Variants in TP63 observed in about 807,000 individuals in gnomAD.
TP63 encodes tumor protein p63.
A neutral mutation model predicts 82.8 loss-of-function variants in TP63; 17 were observed. The observed-to-expected ratio is 0.21, with a 90% confidence interval of 0.14 to 0.31. The LOEUF (loss-of-function observed/expected upper bound fraction) is 0.31, where lower values mean the gene tolerates loss of function less well. TP63 is among the 10% of genes least tolerant of loss of function. TP63 has a pLI of 1.00. For synonymous variants in TP63, 330 were observed against 321.7 expected (o/e 1.03, Z -0.28); for missense variants, 648 against 895.3 (o/e 0.72, Z 3.52).
At chr3:189,745,545 A>G (rs1378608505) in intron 3 of TP63, among the ~76,000 whole-genome samples, 5 of 151,840 alleles carry the variant, frequency 3.3e-5, no homozygotes, top group African/African-American at 1.2e-4. Flanking sequence ...CATCTCTCCT[A>G]AAAATACAAA....
the TP63 span, among the ~76,000 whole-genome samples, chr3:189,626,306 A>G: frequency 6.6e-6 from 1 of 152,174 alleles, no homozygotes; most frequent in East Asian, 1.9e-4. Context: ...GTGTCATACA[A>G]TTAAAAATCA....
intron 4 of TP63, among the ~76,000 whole-genome samples, chr3:189,863,358 T>G (rs997244143): frequency 2.0e-5 from 3 of 152,120 alleles, no homozygotes; most frequent in African/African-American, 7.2e-5. Flanking sequence ...AGAATGAAGG[T>G]TCTCTTCTGC....
chr3:189,835,763 A>C (rs949218798), intron 4 of TP63, among the ~76,000 whole-genome samples: 1 of 151,824 alleles, frequency 6.6e-6, no homozygotes, highest in Admixed American at 6.6e-5. Context: ...AAATACAAAA[A>C]ATTAACTGGC....
At chr3:189,682,570 A>ATC (rs1716068089) in intron 1 of TP63, among the ~76,000 whole-genome samples, 2 of 17,312 alleles carry the variant, frequency 1.2e-4, no homozygotes, top group African/African-American at 3.4e-4. Flanking sequence ...ATATATATAT[A>ATC]TATATATATA....
At chr3:189,678,565 A>G (rs1715644761) in intron 1 of TP63, among the ~76,000 whole-genome samples, 1 of 152,112 alleles carries the variant, frequency 6.6e-6, no homozygotes, top group Non-Finnish European at 1.5e-5. Flanking sequence ...TTGGCTATAT[A>G]GGCTCTTTTT....
chr3:189,641,928 C>T (rs1235108386), intron 1 of TP63, among the ~76,000 whole-genome samples: 1 of 152,030 alleles, frequency 6.6e-6, no homozygotes. Flanking sequence ...CCAAGGGTGA[C>T]CTAACTAGTA....
intron 4 of TP63, among the ~76,000 whole-genome samples, chr3:189,813,693 T>C (rs953103157): frequency 1.3e-5 from 2 of 152,126 alleles, no homozygotes; most frequent in African/African-American, 4.8e-5. Context: ...GTTGTATCTT[T>C]CTCCTGTCAT....
intron 1 of TP63, among the ~76,000 whole-genome samples, chr3:189,664,152 C>T (rs1192312828): frequency 1.3e-5 from 2 of 149,448 alleles, no homozygotes; most frequent in African/African-American, 5.1e-5. Context: ...TCTTTCCTAT[C>T]CCCCCAAGCC....
chr3:189,819,363 A>G (rs2108667711), intron 4 of TP63, among the ~76,000 whole-genome samples: 1 of 152,122 alleles, frequency 6.6e-6, no homozygotes, highest in South Asian at 2.1e-4. Context: ...TTACATATGT[A>G]TACGTGTGCC....
At chr3:189,750,563 G>A (rs541230122) in intron 3 of TP63, among the ~76,000 whole-genome samples, 18 of 152,054 alleles carry the variant, frequency 1.2e-4, no homozygotes, top group African/African-American at 3.9e-4. Flanking sequence ...TTCTATGCAT[G>A]TAACAAAATA....
chr3:189,712,025 A>G (rs922688001), intron 1 of TP63, among the ~76,000 whole-genome samples: 2 of 152,224 alleles, frequency 1.3e-5, no homozygotes, highest in African/African-American at 4.8e-5. Context: ...ACTCGAGTCA[A>G]CTTTCTTCTG....
intron 1 of TP63, among the ~76,000 whole-genome samples, chr3:189,641,942 G>A (rs1397673078): frequency 6.6e-6 from 1 of 152,096 alleles, no homozygotes; most frequent in Non-Finnish European, 1.5e-5. Flanking sequence ...ACTAGTAAGT[G>A]GAAAAACCTG....
intron 1 of TP63, among the ~76,000 whole-genome samples, chr3:189,688,026 C>T (rs1716588159): frequency 6.6e-6 from 1 of 151,306 alleles, no homozygotes; most frequent in African/African-American, 2.4e-5. Flanking sequence ...TAGCAACTTG[C>T]TCATCTATTA....
chr3:189,864,173 T>G, intron 4 of TP63, 59 bp from the exon 5 acceptor site: 2 of 1,605,350 alleles, frequency 1.2e-6, no homozygotes, highest in Non-Finnish European at 1.7e-6. Context: ...ATTTGGAATG[T>G]AACAATATCT....
At chr3:189,841,501 C>T (rs955689213) in intron 4 of TP63, among the ~76,000 whole-genome samples, 5 of 152,082 alleles carry the variant, frequency 3.3e-5, no homozygotes, top group South Asian at 2.1e-4. Context: ...AAGAATATCC[C>T]GCAGATACAA....
chr3:189,836,358 A>G (rs1713152540), intron 4 of TP63, among the ~76,000 whole-genome samples: 1 of 152,184 alleles, frequency 6.6e-6, no homozygotes, highest in South Asian at 2.1e-4. Flanking sequence ...TTTTCTCCTA[A>G]GAAAATGGAA....
At chr3:189,599,883 ATATT>A in the TP63 span, among the ~76,000 whole-genome samples, 1 of 152,170 alleles carries the variant, frequency 6.6e-6, no homozygotes, top group African/African-American at 2.4e-5. Flanking sequence ...TAAATGTACT[ATATT>A]TATTTTCCTC....
chr3:189,826,189 GC>G (rs1729329089), intron 4 of TP63, among the ~76,000 whole-genome samples: 2 of 152,116 alleles, frequency 1.3e-5, no homozygotes, highest in African/African-American at 4.8e-5. Flanking sequence ...TACTGACTGA[GC>G]CCACTGTAAG....
At chr3:189,677,032 C>T (rs1715463745) in intron 1 of TP63, among the ~76,000 whole-genome samples, 1 of 149,240 alleles carries the variant, frequency 6.7e-6, no homozygotes, top group Non-Finnish European at 1.5e-5. Context: ...TCTCTATGTC[C>T]ACGTACAGGG....
Sources: allele counts gnomAD v4.1 joint callset (sites outside exome capture counted in the v4.1 genomes callset), GRCh38; gene constraint gnomAD v4.1.1; transcripts MANE v1.5; gene names NCBI Gene and HGNC (gene_info 2026-07-23, HGNC 2026-07-21).